Variants in HIPK2 observed in about 807,000 individuals in gnomAD.
The protein encoded by HIPK2 is homeodomain-interacting protein kinase 2.
HIPK2 carries 27 observed loss-of-function variants against 113.7 expected under a neutral mutation model. That is an observed-to-expected ratio of 0.24 (90% CI 0.17 to 0.33). The LOEUF (loss-of-function observed/expected upper bound fraction) is 0.33. Ranked by LOEUF, HIPK2 falls within the 10% of genes least tolerant of loss-of-function variation. The probability of loss-of-function intolerance (pLI) is 1.00; values close to 1 mark genes in which losing one functional copy is unlikely to be tolerated. For synonymous variants in HIPK2, 631 were observed against 642.2 expected, an observed-to-expected ratio of 0.98 and a Z score of 0.26; for missense variants, 1,257 against 1,588.0, an observed-to-expected ratio of 0.79 and a Z score of 3.54.
chr7:139,732,222 T>C (rs1795809891), intron 1 of HIPK2, among the ~76,000 whole-genome samples: 1 of 152,192 alleles, frequency 6.6e-6, no homozygotes. Flanking sequence ...GATATGAAAA[T>C]CAGCTGGTAC....
intron 2 of HIPK2, among the ~76,000 whole-genome samples, chr7:139,681,153 A>G (rs752196485): frequency 4.6e-5 from 7 of 152,238 alleles, no homozygotes; most frequent in Non-Finnish European, 1.0e-4. Flanking sequence ...GGAGCCTACA[A>G]GTTGCAATTG....
At chr7:139,659,558 G>A (rs1465886727) in intron 2 of HIPK2, among the ~76,000 whole-genome samples, 1 of 152,214 alleles carries the variant, frequency 6.6e-6, no homozygotes, top group African/African-American at 2.4e-5. Context: ...CTGGACTCTG[G>A]TTAATATGGT....
intron 2 of HIPK2, among the ~76,000 whole-genome samples, chr7:139,715,044 C>T (rs1196024564): frequency 6.6e-6 from 1 of 152,210 alleles, no homozygotes; most frequent in Non-Finnish European, 1.5e-5. Flanking sequence ...CCAAAGCCAG[C>T]ACTCCGATCT....
At position 139,600,512 on chromosome 7, in the gene HIPK2, T is replaced by A; in HGVS notation, c.2340A>T (p.Ala780=). 6.2e-7 allele frequency: 1 copy of A among 1,614,064 alleles called. No individual in the cohort carries two copies. The highest frequency in any genetic ancestry group is 8.5e-7 in the Non-Finnish European group (1 of 1,179,904). The change falls in exon 11 of 15, where the codon GCA becomes GCT. Residue 780 remains alanine, a synonymous_variant. Transcript: ENST00000406875. ...LLTGHVTLPA[A]QPLNVGVAHV... ...GGGCCACACCCACATTTAAGGGCTG[T>A]GCTGCTGGAAGGGTCACATGACCGG...
At position 139,683,672 on chromosome 7, in the gene HIPK2, T is replaced by A. The variant is rs549867339; in HGVS notation, c.1103+32260A>T. Among the ~76,000 whole-genome samples the A allele has an allele frequency of 6.6e-6, 1 of 152,232 alleles. No homozygotes were observed. The highest frequency in any genetic ancestry group is 2.1e-4 in the South Asian group (1 of 4,808). On this transcript the variant is annotated intron_variant, in intron 2 of 14. Transcript: ENST00000406875. The surrounding 1 kb of genome is among the most constrained non-coding windows in gnomAD (Gnocchi z 4.2). ...CCTTCCTGGAGGTTGGCTGCCACTG[T>A]CATACCCTGGCAATGGCATTCATAC...
At chr7:139,672,548 C>A (rs1389995089) in intron 2 of HIPK2, among the ~76,000 whole-genome samples, 1 of 152,196 alleles carries the variant, frequency 6.6e-6, no homozygotes, top group East Asian at 1.9e-4. Context: ...TCACTGCAAC[C>A]TCTGCCTCCT....
At chr7:139,697,043 C>G (rs1794586894) in intron 2 of HIPK2, among the ~76,000 whole-genome samples, 2 of 152,200 alleles carry the variant, frequency 1.3e-5, no homozygotes, top group African/African-American at 4.8e-5. Context: ...CTAAAGCCAA[C>G]TATACCACAG....
intron 1 of HIPK2, among the ~76,000 whole-genome samples, chr7:139,774,789 G>A (rs1796712262): frequency 6.6e-6 from 1 of 152,204 alleles, no homozygotes; most frequent in African/African-American, 2.4e-5. Flanking sequence ...CGCAAAGCAA[G>A]TTGATGGAGG....
At chr7:139,694,029 G>C (rs1451574788) in intron 2 of HIPK2, among the ~76,000 whole-genome samples, 1 of 152,122 alleles carries the variant, frequency 6.6e-6, no homozygotes, top group Non-Finnish European at 1.5e-5. Flanking sequence ...GAAGAAACTT[G>C]GAACTGCAAA....
At chr7:139,761,857 C>T (rs1796469728) in intron 1 of HIPK2, among the ~76,000 whole-genome samples, 1 of 152,054 alleles carries the variant, frequency 6.6e-6, no homozygotes, top group African/African-American at 2.4e-5. Flanking sequence ...AGTAATACAT[C>T]ATTTTGGTTA....
In HIPK2 at chr7:139,562,277, T is replaced by C. The variant is rs1266831991; in HGVS notation, c.*10650A>G. 3.3e-5 allele frequency: 5 copies of C among 152,308 alleles called. No homozygotes were observed. The highest frequency in any genetic ancestry group is 6.5e-5 in the Admixed American group (1 of 15,290). 9.4% of individuals were successfully genotyped at this position (152,308 alleles called of 1,614,324 possible). Reference sequence around the variant, plus strand: ...GGAACACAACAGACCAGGGCTTTCATAGGGTTATTGAGATTGAGCTGAGAT... The same window carrying C: ...GGAACACAACAGACCAGGGCTTTCACAGGGTTATTGAGATTGAGCTGAGAT... On this transcript the variant is annotated 3_prime_UTR_variant, in exon 15 of 15. Transcript: ENST00000406875.
At chr7:139,687,070 C>T (rs1433578744) in intron 2 of HIPK2, among the ~76,000 whole-genome samples, 1 of 152,228 alleles carries the variant, frequency 6.6e-6, no homozygotes, top group African/African-American at 2.4e-5. Context: ...CAGAAGATCA[C>T]TAGCATTTTT....
At chr7:139,645,693 C>T (rs1801191775) in intron 2 of HIPK2, among the ~76,000 whole-genome samples, 1 of 152,144 alleles carries the variant, frequency 6.6e-6, no homozygotes, top group Admixed American at 6.5e-5. Flanking sequence ...TGAGGCTGGC[C>T]TTGCTCTCTG....
chr7:139,727,935 A>ATTTTTTTTTTTTTTT (rs10524758), intron 1 of HIPK2, among the ~76,000 whole-genome samples: 1 of 116,664 alleles, frequency 8.6e-6, no homozygotes, highest in African/African-American at 3.3e-5. Flanking sequence ...GCATTGGCTA[A>ATTTTTTTTTTTTTTT]TTTTTTTTTT....
Position 139,567,306 on chromosome 7 carries a change from G to A in HIPK2, c.*5621C>T, listed in dbSNP as rs982662637. Reference sequence around the variant, plus strand: ...TGGGATTAGTCAAGCCCACGTATTGGTATGGCACCTTGTCTCCCGATAGCA... The same window carrying A: ...TGGGATTAGTCAAGCCCACGTATTGATATGGCACCTTGTCTCCCGATAGCA... On this transcript the variant is annotated 3_prime_UTR_variant, in exon 15 of 15. Transcript: ENST00000406875. 6.6e-6 allele frequency: 1 copy of A among 152,058 alleles called. No homozygotes were observed. Among genetic ancestry groups the A allele is most frequent in the Non-Finnish European group, 1.5e-5 (1 of 68,030 alleles). 9.4% of individuals were successfully genotyped at this position (152,058 alleles called of 1,614,324 possible).
chr7:139,652,705 G>T (rs556452657), intron 2 of HIPK2, among the ~76,000 whole-genome samples: 2 of 152,288 alleles, frequency 1.3e-5, no homozygotes, highest in South Asian at 2.1e-4. Context: ...TCCACTCCAG[G>T]CTGGGAAGAA....
At chr7:139,658,699 G>A (rs572179995) in intron 2 of HIPK2, among the ~76,000 whole-genome samples, 5 of 152,288 alleles carry the variant, frequency 3.3e-5, no homozygotes, top group African/African-American at 9.6e-5. Context: ...TGCTGTGAAG[G>A]TGGGGATAAG....
rs574719185 is a variant in HIPK2, at chr7:139,611,715, A to AT, written c.2112+1486dup. Reference sequence around the variant, plus strand: ...TGCCACCATGCCCAGCTAATTTTTAATTTTTTTTTGTAGAGATGGGGTCTC... The same window carrying AT: ...TGCCACCATGCCCAGCTAATTTTTAATTTTTTTTTTGTAGAGATGGGGTCTC... On this transcript the variant is annotated intron_variant, in intron 9 of 14. Coordinates refer to ENST00000406875, the MANE Select transcript of HIPK2 (RefSeq NM_022740.5). Among the ~76,000 whole-genome samples the AT allele has an allele frequency of 1.3e-3, 199 of 150,474 alleles. 1 individual carries two copies. The East Asian group carries it at 0.017, about 13-fold the overall frequency.
chr7:139,626,203 A>G (rs994226487), intron 6 of HIPK2, among the ~76,000 whole-genome samples: 18 of 151,864 alleles, frequency 1.2e-4, no homozygotes, highest in Non-Finnish European at 7.4e-5. Flanking sequence ...CCCAGGTTCA[A>G]GCAATTCTCC....
Sources: gnomAD v4.1 joint callset for allele counts (sites outside exome capture counted in the v4.1 genomes callset) on GRCh38, gnomAD v4.1.1 for gene constraint, Gnocchi (gnomAD v3.1) non-coding constraint, MANE v1.5 for transcripts, NCBI Gene and HGNC (gene_info 2026-07-23, HGNC 2026-07-21) for gene names.